Variants in PRPF40B observed in about 807,000 individuals in gnomAD.
The protein encoded by PRPF40B is pre-mRNA processing factor 40B, also known as pre-mRNA-processing factor 40 homolog B.
Under a neutral mutation model 124.5 loss-of-function variants are expected in PRPF40B, and 56 were observed. That is an observed-to-expected ratio of 0.45 (90% CI 0.36 to 0.56). The LOEUF is 0.56. Among genes scored for constraint, PRPF40B ranks in the 20% least tolerant of loss-of-function variants. The probability of loss-of-function intolerance (pLI) is 0.00; values close to 1 mark genes in which losing one functional copy is unlikely to be tolerated. For missense variants in PRPF40B, 1,053 were observed against 1,169.5 expected (o/e 0.90, Z 1.45); for synonymous variants, 443 against 426.4 (o/e 1.04, Z -0.48).
rs1388452997 is a variant in PRPF40B, at chr12:49,630,413, G to A, written c.4-132G>A. ...ACCAAGGGCTAAGGGCTTGGGGTGG[G>A]CAGGAAATCGGGCTTGAAGACCCTC... is the stretch of plus-strand genomic sequence containing the variant. On this transcript the variant is annotated intron_variant, in intron 1 of 25. Coordinates refer to ENST00000548825, the MANE Select transcript of PRPF40B (RefSeq NM_001031698.3). 2.4e-5 allele frequency: 17 copies of A among 694,110 alleles called. No homozygotes were observed. The Admixed American group carries it at 3.4e-4, about 14-fold the overall frequency. The allele number at this position is 694,110 out of a possible 1,614,324, so 43.0% of individuals were successfully genotyped here.
chr12:49,631,847 T>G lies in PRPF40B; in HGVS notation c.229-13T>G. 2 of 1,613,272 alleles carry G rather than the reference T, an allele frequency of 1.2e-6. No individual in the cohort carries two copies. The highest frequency in any genetic ancestry group is 1.7e-6 in the Non-Finnish European group (2 of 1,179,290). On this transcript the variant is annotated splice_polypyrimidine_tract_variant and intron_variant, in intron 3 of 25. Transcript: ENST00000548825. The surrounding 1 kb of genome is among the most constrained non-coding windows in gnomAD (Gnocchi z 4.3). ...ACCTTGGTGGTTGGTTTCTGTCTTC[T>G]TTGTATCCATAGATACCAGGAATGG...
intron 15 of PRPF40B, among the ~76,000 whole-genome samples, chr12:49,636,197 C>T (rs182471395): frequency 6.6e-6 from 1 of 152,284 alleles, no homozygotes; most frequent in Admixed American, 6.5e-5. Flanking sequence ...GGGGTCCACT[C>T]TTGGCCTAGA....
At position 49,630,612 on chromosome 12, in the gene PRPF40B, T is replaced by C; in HGVS notation, c.71T>C (p.Met24Thr). 2 of 1,313,462 alleles carry C rather than the reference T, an allele frequency of 1.5e-6. No individual in the cohort carries two copies. Among genetic ancestry groups the C allele is most frequent in the Non-Finnish European group, 2.2e-6 (2 of 907,492 alleles). 81.4% of individuals were successfully genotyped at this position (1,313,462 alleles called of 1,614,324 possible). A position where few individuals can be genotyped will look rare whatever the true frequency, so the allele number is the denominator to read the frequency against. ...PAPFPPGPPMMPPPFMPPPGI... is the reference protein window; with the variant it reads ...PAPFPPGPPMTPPPFMPPPGI... ...CCCTTCCCACCGGGGCCCCCCATGA[T>C]GCCACCACCCTTCGTAAGTTTTATG... The change falls in exon 2 of 26, where the codon ATG (methionine) becomes ACG (threonine). Residue 24 changes from methionine to threonine, a missense_variant. Physicochemically the swap from Met to Thr is moderately conservative, Grantham distance 81. This residue lies in a region of PRPF40B where 158 missense variants were observed against 117.3 expected (regional missense o/e 1.35). Coordinates refer to ENST00000548825, the MANE Select transcript of PRPF40B (RefSeq NM_001031698.3).
intron 7 of PRPF40B, 119 bp downstream of exon 7, chr12:49,633,243 C>A: frequency 8.0e-7 from 1 of 1,249,670 alleles, no homozygotes; most frequent in Non-Finnish European, 1.1e-6. Flanking sequence ...GGTCCCTGAC[C>A]ATTCCTCACC....
At chr12:49,636,614 C>T in intron 15 of PRPF40B, 102 bp from the exon 16 acceptor site, 1 of 1,535,090 alleles carries the variant, frequency 6.5e-7, no homozygotes. Context: ...CCTGGGTATC[C>T]CTAGCACCTG....
chr12:49,643,009 C>T lies in PRPF40B; in HGVS notation c.2198C>T (p.Ser733Leu). 1.2e-6 allele frequency: 2 copies of T among 1,613,678 alleles called. No individual in the cohort carries two copies. The highest frequency in any genetic ancestry group is 1.7e-6 in the Non-Finnish European group (2 of 1,179,756). The change falls in exon 22 of 26, where the codon TCA becomes TTA. Residue 733 changes from serine to leucine, a missense_variant. Ser to Leu is a moderately radical substitution (Grantham distance 145). Coordinates refer to ENST00000548825, the MANE Select transcript of PRPF40B (RefSeq NM_001031698.3). ...GKKHHHKRSH[S>L]PSGSESEEEE... Reference sequence around the variant, plus strand: ...AAGCACCATCACAAGCGTTCCCACTCACCCTCAGTGAGTAAGCGTGTAGAA... The same window carrying T: ...AAGCACCATCACAAGCGTTCCCACTTACCCTCAGTGAGTAAGCGTGTAGAA...
At chr12:49,632,478 A>C in intron 4 of PRPF40B, 118 bp from the exon 5 acceptor site, 1 of 1,098,990 alleles carries the variant, frequency 9.1e-7, no homozygotes, top group Non-Finnish European at 1.3e-6. Flanking sequence ...GGGAGCAGAG[A>C]TCTCTAGGAG....
chr12:49,640,209 C>T (rs143202963), intron 18 of PRPF40B: 1 of 152,246 alleles, frequency 6.6e-6, no homozygotes, highest in Non-Finnish European at 1.5e-5. Flanking sequence ...CAGACAGATC[C>T]GGGTCAGGGA....
Position 49,633,002 on chromosome 12 carries a change from C to CG in PRPF40B, c.349-12_349-11insG. ...GCCTTGACCACCATTCTGTGCCCCC[C>CG]CCCCCACCCAGAGGGCCCTATGGAG... On this transcript the variant is annotated splice_polypyrimidine_tract_variant and intron_variant, in intron 6 of 25. Transcript: ENST00000548825. 1.9e-6 allele frequency: 1 copy of CG among 530,754 alleles called. No individual in the cohort carries two copies. Among genetic ancestry groups the CG allele is most frequent in the Non-Finnish European group, 3.6e-6 (1 of 277,054 alleles). 32.9% of individuals were successfully genotyped at this position (530,754 alleles called of 1,614,324 possible). A position where few individuals can be genotyped will look rare whatever the true frequency, so the allele number is the denominator to read the frequency against.
chr12:49,638,064 A>C (rs1156546197), intron 18 of PRPF40B: 1 of 496,422 alleles, frequency 2.0e-6, no homozygotes, highest in Non-Finnish European at 3.6e-6. Flanking sequence ...AAGTGTTATT[A>C]CAGAGACAGG....
rs761390746 is a variant in PRPF40B at position 49,637,557 on chromosome 12, C to T, written c.1648C>T (p.Arg550Cys). The T allele has an allele frequency of 6.8e-6, 11 of 1,613,860 alleles. No individual in the cohort carries two copies. Among genetic ancestry groups the T allele is most frequent in the South Asian group, 5.5e-5 (5 of 91,084 alleles). The part of the protein sequence containing the change: ...ELYPAVSTDV[R>C]FANMLGQPGS... The stretch of plus-strand genomic sequence containing the variant: ...ATATCCAGCAGTCAGCACTGATGTC[C>T]GCTTTGCCAACATGCTGGGCCAGCC... Residue 550 changes from arginine to cysteine, a missense_variant, in exon 17 of 26, where the codon CGC (arginine) becomes TGC (cysteine). Around this residue, in one of 2 missense-constraint regions of PRPF40B, gnomAD observed 895 missense variants for 1,052.2 expected, o/e 0.85. Coordinates refer to ENST00000548825, the MANE Select transcript of PRPF40B (RefSeq NM_001031698.3).
At chr12:49,633,702 C>T (rs972518623) in intron 9 of PRPF40B, 41 bp downstream of exon 9, 20 of 1,613,764 alleles carry the variant, frequency 1.2e-5, no homozygotes, top group Non-Finnish European at 1.5e-5. Context: ...GTTGGGGCAC[C>T]TGGAGTGTGG....
rs1941484313 is a variant in PRPF40B, at chr12:49,633,877, C to T, written c.606-9C>T. 1.9e-6 allele frequency: 3 copies of T among 1,613,792 alleles called. No homozygotes were observed. Among genetic ancestry groups the T allele is most frequent in the African/African-American group, 1.3e-5 (1 of 74,928 alleles). On this transcript the variant is annotated splice_polypyrimidine_tract_variant and intron_variant, in intron 9 of 25. Coordinates refer to ENST00000548825, the MANE Select transcript of PRPF40B (RefSeq NM_001031698.3). ...CCTCCTGGACACCGCCCTTCTGGCT[C>T]ATCTGCAGGAAACAGCAGCAGCAGC...
chr12:49,623,610 G>T lies in PRPF40B; in HGVS notation c.3+17G>T, dbSNP rs1251501773. On this transcript the variant is annotated intron_variant, in intron 1 of 25. Coordinates refer to ENST00000548825, the MANE Select transcript of PRPF40B (RefSeq NM_001031698.3). Reference sequence around the variant, plus strand: ...TCTGGCATGGTAACATCCCCGCGCGGGGGTGGAGGGGCTCGGGGCGGTCCC... The same window carrying T: ...TCTGGCATGGTAACATCCCCGCGCGTGGGTGGAGGGGCTCGGGGCGGTCCC... 3.2e-6 allele frequency: 4 copies of T among 1,233,240 alleles called. No individual in the cohort carries two copies. The South Asian group carries it at 1.2e-4, about 36-fold the overall frequency. 76.4% of individuals were successfully genotyped at this position (1,233,240 alleles called of 1,614,324 possible). A position where few individuals can be genotyped will look rare whatever the true frequency, so the allele number is the denominator to read the frequency against.
intron 1 of PRPF40B, among the ~76,000 whole-genome samples, chr12:49,626,348 T>G (rs1041008826): frequency 2.0e-5 from 3 of 151,984 alleles, no homozygotes; most frequent in Non-Finnish European, 2.9e-5. Flanking sequence ...TGTAGGGAAA[T>G]CCCCACATGA....
At chr12:49,638,002 G>C (rs1565840657) in intron 18 of PRPF40B, 178 bp downstream of exon 18, 10 of 593,838 alleles carry the variant, frequency 1.7e-5, no homozygotes, top group Non-Finnish European at 3.0e-5. Context: ...TCTACCACAG[G>C]AGCTCATGGT....
chr12:49,644,576 C>T lies in PRPF40B; in HGVS notation c.*384C>T. ...CAGTGCCTGCTCCTGCCTGCCCTGG[C>T]CCTGAGGCTCCACCACTTCTTCCTC... On this transcript the variant is annotated 3_prime_UTR_variant, in exon 26 of 26. Transcript: ENST00000548825. 1 of 244,092 alleles carries T rather than the reference C, an allele frequency of 4.1e-6. No individual in the cohort carries two copies. Among genetic ancestry groups the T allele is most frequent in the Non-Finnish European group, 8.2e-6 (1 of 121,878 alleles). The allele number at this position is 244,092 out of a possible 1,614,324, so 15.1% of individuals were successfully genotyped here. A position where few individuals can be genotyped will look rare whatever the true frequency, so the allele number is the denominator to read the frequency against.
chr12:49,636,925 C>T, intron 16 of PRPF40B, 76 bp downstream of exon 16: 1 of 1,597,108 alleles, frequency 6.3e-7, no homozygotes, highest in East Asian at 2.2e-5. Flanking sequence ...TCCCTGCCCC[C>T]TTCTGGATAC....
chr12:49,633,481 T>A lies in PRPF40B; in HGVS notation c.514T>A (p.Tyr172Asn). The change falls in exon 8 of 26, where the codon TAT becomes AAT. Residue 172 changes from tyrosine (Y) to asparagine (N), a missense_variant. Physicochemically the swap from Tyr to Asn is moderately radical, Grantham distance 143 (BLOSUM62 -2). Coordinates refer to ENST00000548825, the MANE Select transcript of PRPF40B (RefSeq NM_001031698.3). ...KEYKSDTGKP[Y>N]YYNNQSKESR... is the part of the protein sequence containing the mutation. The stretch of plus-strand genomic sequence containing the variant: ...GTACAAGTCGGACACAGGCAAACCT[T>A]ATTACTATAACAACCAGAGTAAAGA... 2.5e-6 allele frequency: 4 copies of A among 1,613,942 alleles called. No homozygotes were observed. The highest frequency in any genetic ancestry group is 3.4e-6 in the Non-Finnish European group (4 of 1,179,998).
Sources: gnomAD v4.1 joint callset for allele counts (sites outside exome capture counted in the v4.1 genomes callset) on GRCh38, gnomAD v4.1.1 for gene constraint, gnomAD v4.1.1 regional missense constraint, Gnocchi (gnomAD v3.1) non-coding constraint, MANE v1.5 for transcripts, NCBI Gene and HGNC (gene_info 2026-07-23, HGNC 2026-07-21) for gene names.